Variants in TTC17 observed in about 807,000 individuals in gnomAD.
The protein encoded by TTC17 is tetratricopeptide repeat protein 17.
In TTC17, 58 loss-of-function variants were observed where a neutral mutation model predicts 143.8. The observed-to-expected ratio is 0.40, with a 90% confidence interval of 0.33 to 0.50. The LOEUF (loss-of-function observed/expected upper bound fraction) is 0.50, where lower values mean the gene tolerates loss of function less well. Among genes scored for constraint, TTC17 ranks in the 20% least tolerant of loss-of-function variants. TTC17 has a pLI of 0.49. For synonymous variants in TTC17, 501 were observed against 497.8 expected (o/e 1.01, Z -0.09); for missense variants, 1,273 against 1,392.5 (o/e 0.91, Z 1.37).
intron 1 of TTC17, among the ~76,000 whole-genome samples, chr11:43,374,282 A>T (rs1206201709): frequency 6.6e-6 from 1 of 152,186 alleles, no homozygotes; most frequent in African/African-American, 2.4e-5. Flanking sequence ...CTCAAGATGG[A>T]TTAAAGACTT....
chr11:43,403,170 A>C (rs1857949974), intron 10 of TTC17, among the ~76,000 whole-genome samples: 1 of 152,178 alleles, frequency 6.6e-6, no homozygotes, highest in Non-Finnish European at 1.5e-5. Context: ...TTTAGAAATG[A>C]AATAGATTGA....
At position 43,452,507 on chromosome 11, in the gene TTC17, TAATG is replaced by T. The variant is rs559203246; in HGVS notation, c.3030+1264_3030+1267del. Among the ~76,000 whole-genome samples, 244 of 148,836 alleles carry T rather than the reference TAATG, an allele frequency of 1.6e-3. 1 individual carries two copies. The highest frequency in any genetic ancestry group is 4.5e-3 in the African/African-American group (182 of 40,428). On this transcript the variant is annotated intron_variant, in intron 21 of 23. Transcript: ENST00000039989. ...CAGAGTGAGACTCTGTCTCAATAAA[TAATG>T]AATGAATGAATGAATGAATGAGTGA...
In TTC17 at chr11:43,464,153, G is replaced by A. The variant is rs531698483; in HGVS notation, c.3030+12888G>A. ...AAATTAGCTGGGCGTGGTGGTGCAC[G>A]CCTGTAATGCCGGGTACTCGGGAGG... On this transcript the variant is annotated intron_variant, in intron 21 of 23. Transcript: ENST00000039989. Among the ~76,000 whole-genome samples, 12 of 152,096 alleles carry A rather than the reference G, an allele frequency of 7.9e-5. No individual in the cohort carries two copies. The Middle Eastern group carries it at 0.014, about 172-fold the overall frequency.
intron 16 of TTC17, among the ~76,000 whole-genome samples, chr11:43,442,060 T>C (rs996282943): frequency 1.3e-5 from 2 of 152,246 alleles, no homozygotes; most frequent in African/African-American, 4.8e-5. Flanking sequence ...TCCCGCGTTA[T>C]ATTGTGTAGC....
chr11:43,366,499 C>G (rs368739541), intron 1 of TTC17, among the ~76,000 whole-genome samples: 6 of 131,440 alleles, frequency 4.6e-5, no homozygotes, highest in African/African-American at 2.0e-4. Context: ...GAGTGAGACT[C>G]TGCCTCAAAA....
In TTC17 at chr11:43,490,854, CAAAAAAAAAAA is replaced by C. The variant is rs57074352; in HGVS notation, c.3150+514_3150+524del. The stretch of plus-strand genomic sequence containing the variant: ...CCTTGTCTGACTTCTACTTTTTCCA[CAAAAAAAAAAA>C]AAAAAAAAAAAAAAAAACCGGCTAA... On this transcript the variant is annotated intron_variant, in intron 22 of 23. Coordinates refer to ENST00000039989, the MANE Select transcript of TTC17 (RefSeq NM_018259.6). The C allele has an allele frequency of 2.0e-3, 132 of 66,576 alleles. No individual in the cohort carries two copies. The East Asian group carries it at 0.042, about 21-fold the overall frequency. The allele number at this position is 66,576 out of a possible 1,614,324, so 4.1% of individuals were successfully genotyped here. A position where few individuals can be genotyped will look rare whatever the true frequency, so the allele number is the denominator to read the frequency against.
chr11:43,384,342 C>A (rs1384275386), intron 2 of TTC17, among the ~76,000 whole-genome samples: 1 of 152,092 alleles, frequency 6.6e-6, no homozygotes, highest in Non-Finnish European at 1.5e-5. Context: ...AATATGGTTT[C>A]TTGTTTTGGT....
chr11:43,379,061 C>T lies in TTC17; in HGVS notation c.160-172C>T. ...CAGGACAACTGTTGCACTTGTCATT[C>T]CCTTTGCTAACATTTACATGTGATC... On this transcript the variant is annotated intron_variant, in intron 1 of 23. Coordinates refer to ENST00000039989, the MANE Select transcript of TTC17 (RefSeq NM_018259.6). 4.8e-6 allele frequency: 3 copies of T among 622,326 alleles called. No homozygotes were observed. The South Asian group carries it at 5.9e-5, about 12-fold the overall frequency. 38.6% of individuals were successfully genotyped at this position (622,326 alleles called of 1,614,324 possible). A position where few individuals can be genotyped will look rare whatever the true frequency, so the allele number is the denominator to read the frequency against.
intron 21 of TTC17, among the ~76,000 whole-genome samples, chr11:43,454,864 A>G (rs1366507044): frequency 1.3e-5 from 2 of 152,058 alleles, no homozygotes. Flanking sequence ...AATATACCAC[A>G]TAATACCAGA....
chr11:43,387,082 C>G (rs1857196761), intron 2 of TTC17, among the ~76,000 whole-genome samples: 3 of 152,078 alleles, frequency 2.0e-5, no homozygotes, highest in Non-Finnish European at 4.4e-5. Context: ...CCACGCCAAT[C>G]CTACTAATCA....
intron 13 of TTC17, 30 bp from the exon 14 acceptor site, chr11:43,407,108 A>G (rs755738798): frequency 6.8e-6 from 10 of 1,465,778 alleles, no homozygotes; most frequent in Middle Eastern, 2.5e-4. Context: ...GTTATTTTCA[A>G]TTGAGTCAGT....
chr11:43,443,366 A>T lies in TTC17; in HGVS notation c.2293A>T (p.Asn765Tyr). 1 of 1,614,070 alleles carries T rather than the reference A, an allele frequency of 6.2e-7. No individual in the cohort carries two copies. Among genetic ancestry groups the T allele is most frequent in the Non-Finnish European group, 8.5e-7 (1 of 1,180,004 alleles). ...GAGCAATGGTTCTGATGAGATGGAGAATTCAGATGAAACCAAAATGTCAGA... is the reference window on the plus strand; with the variant it reads ...GAGCAATGGTTCTGATGAGATGGAGTATTCAGATGAAACCAAAATGTCAGA... Reference protein sequence around the residue: ...EESNGSDEMENSDETKMSEEI... With the variant: ...EESNGSDEMEYSDETKMSEEI... Residue 765 changes from asparagine (N) to tyrosine (Y), a missense_variant, in exon 17 of 24, where the codon AAT becomes TAT. This residue lies in a region of TTC17 where 878 missense variants were observed against 899.8 expected (regional missense o/e 0.98). Coordinates refer to ENST00000039989, the MANE Select transcript of TTC17 (RefSeq NM_018259.6).
At chr11:43,392,277 A>G (rs1455656278) in intron 5 of TTC17, among the ~76,000 whole-genome samples, 1 of 152,232 alleles carries the variant, frequency 6.6e-6, no homozygotes, top group Non-Finnish European at 1.5e-5. Context: ...TGTCGTTAAT[A>G]TATCTATACA....
chr11:43,432,591 C>T (rs1270167387), intron 16 of TTC17, among the ~76,000 whole-genome samples: 1 of 152,186 alleles, frequency 6.6e-6, no homozygotes, highest in East Asian at 1.9e-4. Context: ...TCATACCTCT[C>T]AAGGTTAGTG....
At chr11:43,386,703 A>G (rs760968784) in intron 2 of TTC17, among the ~76,000 whole-genome samples, 30 of 152,362 alleles carry the variant, frequency 2.0e-4, no homozygotes, top group Non-Finnish European at 3.7e-4. Flanking sequence ...TGCCATGCAT[A>G]TAACTCATAG....
chr11:43,360,757 A>G (rs1008507060), intron 1 of TTC17, among the ~76,000 whole-genome samples: 2 of 150,744 alleles, frequency 1.3e-5, no homozygotes, highest in East Asian at 1.9e-4. Flanking sequence ...CTTTGGATAC[A>G]TATGTATTAA....
At chr11:43,370,776 T>A (rs7131106) in intron 1 of TTC17, among the ~76,000 whole-genome samples, 6,761 of 151,018 alleles carry the variant, frequency 0.045, 508 homozygotes, top group African/African-American at 0.16. Flanking sequence ...AACTGTCAGA[T>A]AGTTAAAGAG....
chr11:43,431,813 C>A (rs946831308), intron 16 of TTC17, among the ~76,000 whole-genome samples: 1 of 152,192 alleles, frequency 6.6e-6, no homozygotes, highest in Non-Finnish European at 1.5e-5. Flanking sequence ...CATAGTGAGA[C>A]CCCCATCTCT....
At chr11:43,489,745 A>AG (rs2134490113) in intron 21 of TTC17, 1 of 145,840 alleles carries the variant, frequency 6.9e-6, no homozygotes, top group East Asian at 2.2e-4. Flanking sequence ...CAAAAAAAAA[A>AG]GGACAAAGGA....
Sources: gnomAD v4.1 joint callset for allele counts (sites outside exome capture counted in the v4.1 genomes callset) on GRCh38, gnomAD v4.1.1 for gene constraint, gnomAD v4.1.1 regional missense constraint, MANE v1.5 for transcripts, NCBI Gene and HGNC (gene_info 2026-07-23, HGNC 2026-07-21) for gene names.